Variants in KCNH1 observed in about 807,000 individuals in gnomAD.
The protein encoded by KCNH1 is voltage-gated delayed rectifier potassium channel KCNH1.
A neutral mutation model predicts 69.2 loss-of-function variants in KCNH1; 27 were observed. The ratio of observed to expected loss-of-function variants is 0.39; its 90% confidence interval spans 0.29 to 0.54. The LOEUF (loss-of-function observed/expected upper bound fraction) is 0.54. Ranked by LOEUF, KCNH1 falls within the 20% of genes least tolerant of loss-of-function variation. The probability of loss-of-function intolerance (pLI) is 0.68; values close to 1 mark genes in which losing one functional copy is unlikely to be tolerated. For synonymous variants in KCNH1, 456 were observed against 487.7 expected (o/e 0.93, Z 0.86); for missense variants, 798 against 1,261.6 (o/e 0.63, Z 5.57).
At chr1:210,889,438 A>G (rs949988338) in intron 7 of KCNH1, among the ~76,000 whole-genome samples, 1 of 152,212 alleles carries the variant, frequency 6.6e-6, no homozygotes, top group Non-Finnish European at 1.5e-5. Flanking sequence ...ACCACCCCAC[A>G]GCCAATGTCC....
At chr1:210,805,675 T>G (rs577480749) in intron 7 of KCNH1, among the ~76,000 whole-genome samples, 1 of 152,344 alleles carries the variant, frequency 6.6e-6, no homozygotes, top group South Asian at 2.1e-4. Context: ...CAGAGTTGTG[T>G]AACCATCACC....
chr1:210,861,536 T>C (rs1337032558), intron 7 of KCNH1: 4 of 772,716 alleles, frequency 5.2e-6, no homozygotes, highest in Non-Finnish European at 9.7e-6. Flanking sequence ...GTCATCTTCT[T>C]CAATTCGAAG....
Position 210,683,723 on chromosome 1 carries a change from G to C in KCNH1, c.2528C>G (p.Ala843Gly). 1 of 1,614,204 alleles carries C rather than the reference G, an allele frequency of 6.2e-7. No homozygotes were observed. The highest frequency in any genetic ancestry group is 8.5e-7 in the Non-Finnish European group (1 of 1,180,038). ...KRKSWARFKD[A>G]CGKSEDWNKV... ...GTTCCAGTCCTCACTCTTCCCGCAAGCATCTTTGAAGCGGGCCCAGCTTTT... is the reference window on the plus strand; with the variant it reads ...GTTCCAGTCCTCACTCTTCCCGCAACCATCTTTGAAGCGGGCCCAGCTTTT... The change falls in exon 11 of 11, where the codon GCT (alanine) becomes GGT (glycine). Residue 843 changes from alanine (A) to glycine (G), a missense_variant. By Grantham distance (60) the Ala-to-Gly change is moderately conservative. This residue lies in a region of KCNH1 where 331 missense variants were observed against 363.2 expected (regional missense o/e 0.91). Coordinates refer to ENST00000271751, the MANE Select transcript of KCNH1 (RefSeq NM_172362.3). The surrounding 1 kb of genome is among the most constrained non-coding windows in gnomAD (Gnocchi z 5.7).
At chr1:211,081,609 C>T (rs1165225624) in intron 5 of KCNH1, among the ~76,000 whole-genome samples, 1 of 152,124 alleles carries the variant, frequency 6.6e-6, no homozygotes, top group African/African-American at 2.4e-5. Context: ...GAAAATGTGG[C>T]ACATATACAC....
intron 6 of KCNH1, among the ~76,000 whole-genome samples, chr1:211,013,315 T>C (rs1392877238): frequency 2.0e-5 from 3 of 151,992 alleles, no homozygotes; most frequent in African/African-American, 7.3e-5. Context: ...ATAAGCAGGG[T>C]AGGCAATGAC....
chr1:210,991,553 T>C (rs970979039), intron 6 of KCNH1, among the ~76,000 whole-genome samples: 18 of 151,750 alleles, frequency 1.2e-4, no homozygotes, highest in Admixed American at 2.6e-4. Flanking sequence ...ATGGTGACCA[T>C]AGTTAATGTA....
At chr1:210,866,188 C>A (rs546358702) in intron 7 of KCNH1, among the ~76,000 whole-genome samples, 10 of 152,080 alleles carry the variant, frequency 6.6e-5, no homozygotes, top group Non-Finnish European at 1.3e-4. Context: ...AGGGGCAAAT[C>A]TTTATGACCC....
chr1:210,706,434 A>G (rs955157000), intron 10 of KCNH1, among the ~76,000 whole-genome samples: 5 of 152,284 alleles, frequency 3.3e-5, no homozygotes, highest in African/African-American at 1.2e-4. Flanking sequence ...AGCATTTGAA[A>G]GTCAAATAAA....
chr1:211,112,735 G>T (rs1012533510), intron 1 of KCNH1, among the ~76,000 whole-genome samples: 1 of 152,078 alleles, frequency 6.6e-6, no homozygotes, highest in African/African-American at 2.4e-5. Context: ...GAAGGTCTAG[G>T]AATTCCCTCT....
At chr1:210,862,258 G>A (rs941218764) in intron 7 of KCNH1, 8 of 1,046,720 alleles carry the variant, frequency 7.6e-6, no homozygotes, top group South Asian at 2.6e-5. Flanking sequence ...GCCCCGCAGG[G>A]CCTCGATAAT....
chr1:210,836,241 G>A (rs527903835), intron 7 of KCNH1, among the ~76,000 whole-genome samples: 24 of 152,074 alleles, frequency 1.6e-4, no homozygotes, highest in Non-Finnish European at 1.5e-4. Flanking sequence ...AAGAGAGCAG[G>A]GTTTCAATGA....
chr1:210,824,230 C>A lies in KCNH1; in HGVS notation c.1463-20064G>T, dbSNP rs75894406. On this transcript the variant is annotated intron_variant, in intron 7 of 10. Transcript: ENST00000271751. ...TTTCCACTTTTAAGAGATTGAGACC[C>A]TCAGGTTTAATTTCTAATATTATAA... 7.1e-3 allele frequency among the ~76,000 whole-genome samples: 1,055 copies of A among 149,556 alleles called. 8 individuals are homozygous for A. The highest frequency in any genetic ancestry group is 0.025 in the African/African-American group (1,010 of 40,660).
chr1:210,788,463 A>G (rs1005799372), intron 9 of KCNH1, among the ~76,000 whole-genome samples: 1 of 152,154 alleles, frequency 6.6e-6, no homozygotes, highest in Non-Finnish European at 1.5e-5. Context: ...TAGACACTAT[A>G]AAGTTATGAA....
chr1:211,001,173 C>T (rs1458780858), intron 6 of KCNH1, among the ~76,000 whole-genome samples: 2 of 152,034 alleles, frequency 1.3e-5, no homozygotes, highest in African/African-American at 4.8e-5. Flanking sequence ...GGGATGTAAT[C>T]AAACTAAAGA....
chr1:211,063,656 C>T (rs1382453605), intron 5 of KCNH1: 2 of 151,784 alleles, frequency 1.3e-5, no homozygotes, highest in East Asian at 3.9e-4. Flanking sequence ...CAGGAGAATC[C>T]CTTGAACCTG....
chr1:211,049,087 G>A (rs1444337966), intron 5 of KCNH1, among the ~76,000 whole-genome samples: 1 of 152,064 alleles, frequency 6.6e-6, no homozygotes, highest in African/African-American at 2.4e-5. Context: ...TATAAAACCT[G>A]GAGTCTAATA....
At chr1:210,881,948 GTGAATAT>G (rs1257419606) in intron 7 of KCNH1, among the ~76,000 whole-genome samples, 5 of 152,164 alleles carry the variant, frequency 3.3e-5, no homozygotes, top group African/African-American at 1.2e-4. Context: ...TCCTGTAATA[GTGAATAT>G]GTGTCATTAT....
intron 5 of KCNH1, among the ~76,000 whole-genome samples, chr1:211,072,308 AC>A (rs1366708329): frequency 6.6e-6 from 1 of 152,158 alleles, no homozygotes; most frequent in Non-Finnish European, 1.5e-5. Context: ...ACTTTCTCAG[AC>A]AAAAATGGAG....
chr1:210,961,303 C>T (rs2102356621), intron 6 of KCNH1, among the ~76,000 whole-genome samples: 1 of 151,964 alleles, frequency 6.6e-6, no homozygotes, highest in African/African-American at 2.4e-5. Context: ...TAACAGCATC[C>T]TTCAAAGAGC....
Sources: gnomAD v4.1 joint callset for allele counts (sites outside exome capture counted in the v4.1 genomes callset) on GRCh38, gnomAD v4.1.1 for gene constraint, gnomAD v4.1.1 regional missense constraint, Gnocchi (gnomAD v3.1) non-coding constraint, MANE v1.5 for transcripts, NCBI Gene and HGNC (gene_info 2026-07-23, HGNC 2026-07-21) for gene names.